MICU1: variants seen among roughly 807,000 people sequenced by gnomAD.
MICU1 encodes mitochondrial calcium uptake 1, also known as calcium uptake protein 1, mitochondrial.
A neutral mutation model predicts 56.8 loss-of-function variants in MICU1; 45 were observed. That is an observed-to-expected ratio of 0.79 (90% confidence interval 0.62 to 1.02). MICU1 has a LOEUF of 1.02. Ranked by LOEUF, MICU1 falls within the 50% of genes least tolerant of loss-of-function variation. The pLI is 0.00. For synonymous variants in MICU1, 186 were observed against 195.1 expected (o/e 0.95, Z 0.39); for missense variants, 504 against 587.1 (o/e 0.86, Z 1.46).
At chr10:72,458,597 G>C (rs889967040) in intron 8 of MICU1, among the ~76,000 whole-genome samples, 2 of 152,068 alleles carry the variant, frequency 1.3e-5, no homozygotes, top group Non-Finnish European at 2.9e-5. Context: ...GCTGCAAACA[G>C]TATTAAGACT....
chr10:72,463,602 A>G (rs1472778373), intron 8 of MICU1, among the ~76,000 whole-genome samples: 1 of 152,240 alleles, frequency 6.6e-6, no homozygotes, highest in Admixed American at 6.5e-5. Flanking sequence ...TACCATATAC[A>G]GTCATGTGCT....
In MICU1 at chr10:72,368,029, C is replaced by T; in HGVS notation, c.*166G>A. ...TGGGCAGAATCAGAGCCCAGCAGAA[C>T]ACGGGGACGGGGAAGGGTAAAGAGG... is the stretch of plus-strand genomic sequence containing the variant. On this transcript the variant is annotated 3_prime_UTR_variant, in exon 12 of 12. Transcript: ENST00000361114. 1 of 655,910 alleles carries T rather than the reference C, an allele frequency of 1.5e-6. No individual in the cohort carries two copies. Among genetic ancestry groups the T allele is most frequent in the Non-Finnish European group, 2.5e-6 (1 of 393,912 alleles). 40.6% of individuals were successfully genotyped at this position (655,910 alleles called of 1,614,324 possible).
At chr10:72,524,192 C>G (rs1867903337) in intron 5 of MICU1, among the ~76,000 whole-genome samples, 1 of 152,112 alleles carries the variant, frequency 6.6e-6, no homozygotes, top group Admixed American at 6.6e-5. Context: ...ACAATCTTAG[C>G]TCACTACAAC....
chr10:72,504,962 CATTATT>C (rs147881283), intron 6 of MICU1, among the ~76,000 whole-genome samples: 6 of 149,936 alleles, frequency 4.0e-5, no homozygotes, highest in Non-Finnish European at 5.9e-5. Context: ...CTATTATTAT[CATTATT>C]ATTATTATTA....
chr10:72,495,391 C>CA (rs1377996391), intron 6 of MICU1, among the ~76,000 whole-genome samples: 1 of 152,248 alleles, frequency 6.6e-6, no homozygotes, highest in East Asian at 1.9e-4. Flanking sequence ...TGCAGTGGCT[C>CA]ACGCCTGTAA....
At chr10:72,506,822 A>G (rs1359107766) in intron 6 of MICU1, among the ~76,000 whole-genome samples, 1 of 152,212 alleles carries the variant, frequency 6.6e-6, no homozygotes, top group Admixed American at 6.5e-5. Flanking sequence ...TTAAAAGTAC[A>G]TTATGATCTT....
intron 1 of MICU1, among the ~76,000 whole-genome samples, chr10:72,618,846 G>A (rs550203947): frequency 3.3e-5 from 5 of 152,276 alleles, no homozygotes; most frequent in African/African-American, 1.2e-4. Flanking sequence ...AAAAAACTAA[G>A]AGAAACTGAA....
intron 10 of MICU1, among the ~76,000 whole-genome samples, chr10:72,391,416 G>A (rs1026926408): frequency 5.3e-5 from 8 of 151,494 alleles, no homozygotes; most frequent in African/African-American, 1.5e-4. Context: ...CAGCCTGGTC[G>A]ACAGAGCAAA....
intron 1 of MICU1, among the ~76,000 whole-genome samples, chr10:72,591,129 C>A (rs1423934394): frequency 6.6e-6 from 1 of 152,082 alleles, no homozygotes; most frequent in East Asian, 1.9e-4. Flanking sequence ...TAACAATACA[C>A]TCTTAACCAA....
intron 6 of MICU1, among the ~76,000 whole-genome samples, chr10:72,487,804 T>C (rs1464479956): frequency 6.6e-6 from 1 of 152,212 alleles, no homozygotes; most frequent in Non-Finnish European, 1.5e-5. Context: ...GGGAAGTCAT[T>C]AGACGTCCAC....
At chr10:72,556,291 T>C (rs1484351086) in intron 3 of MICU1, among the ~76,000 whole-genome samples, 1 of 152,208 alleles carries the variant, frequency 6.6e-6, no homozygotes, top group Non-Finnish European at 1.5e-5. Flanking sequence ...ATAAAGTAAA[T>C]TAATTTTTGG....
At chr10:72,592,334 A>C (rs6480633) in intron 1 of MICU1, among the ~76,000 whole-genome samples, 1 of 151,668 alleles carries the variant, frequency 6.6e-6, no homozygotes, top group Admixed American at 6.6e-5. Flanking sequence ...GGAAAAAAAA[A>C]AGAATTCTCC....
At chr10:72,419,804 G>A (rs1864095791) in intron 9 of MICU1, among the ~76,000 whole-genome samples, 1 of 152,130 alleles carries the variant, frequency 6.6e-6, no homozygotes, top group South Asian at 2.1e-4. Flanking sequence ...TTAGTCTCAA[G>A]TTTTCCATCT....
At chr10:72,549,734 C>T (rs1839986050) in intron 4 of MICU1, among the ~76,000 whole-genome samples, 1 of 151,952 alleles carries the variant, frequency 6.6e-6, no homozygotes, top group Non-Finnish European at 1.5e-5. Flanking sequence ...GGTGTGAGAT[C>T]AGCCTGGCCA....
chr10:72,408,487 T>G (rs1863703164), intron 9 of MICU1, among the ~76,000 whole-genome samples: 1 of 152,168 alleles, frequency 6.6e-6, no homozygotes, highest in African/African-American at 2.4e-5. Context: ...TTTTGTATTT[T>G]TAGTAGAAAC....
chr10:72,381,501 C>T lies in MICU1; in HGVS notation c.1181-5629G>A, dbSNP rs549380139. 2.6e-5 allele frequency among the ~76,000 whole-genome samples: 4 copies of T among 152,198 alleles called. No individual in the cohort carries two copies. In the South Asian group the frequency reaches 6.2e-4, roughly 24 times the overall value. On this transcript the variant is annotated intron_variant, in intron 10 of 11. Transcript: ENST00000361114. Reference sequence around the variant, plus strand: ...AGTTCTGGGGTGAGGGGAGGGGAAACGACAACATTTAGGAGAACTAGCAAT... The same window carrying T: ...AGTTCTGGGGTGAGGGGAGGGGAAATGACAACATTTAGGAGAACTAGCAAT...
chr10:72,415,197 G>C (rs1212055101), intron 9 of MICU1, among the ~76,000 whole-genome samples: 1 of 151,850 alleles, frequency 6.6e-6, no homozygotes, highest in Non-Finnish European at 1.5e-5. Flanking sequence ...TTGTATTTTT[G>C]TAGAGATGTG....
Position 72,385,905 on chromosome 10 carries a change from G to A in MICU1, c.1181-10033C>T, listed in dbSNP as rs1862871960. On this transcript the variant is annotated intron_variant, in intron 10 of 11. Coordinates refer to ENST00000361114, the MANE Select transcript of MICU1 (RefSeq NM_001195518.2). ...TGAGTTGCCATGCTGTGAGGGGCCT[G>A]GTGGCAAGGAGCTGTAGTCACCTGC... Among the ~76,000 whole-genome samples the A allele has an allele frequency of 2.0e-5, 3 of 152,358 alleles. 1 individual carries two copies. In the South Asian group the frequency reaches 6.2e-4, roughly 32 times the overall value.
At chr10:72,480,918 T>G (rs906190013) in intron 6 of MICU1, among the ~76,000 whole-genome samples, 1 of 152,268 alleles carries the variant, frequency 6.6e-6, no homozygotes, top group Admixed American at 6.5e-5. Context: ...AAGTATACCC[T>G]GTAATGCTTG....
Sources: gnomAD v4.1 joint callset for allele counts (sites outside exome capture counted in the v4.1 genomes callset) on GRCh38, gnomAD v4.1.1 for gene constraint, MANE v1.5 for transcripts, NCBI Gene and HGNC (gene_info 2026-07-23, HGNC 2026-07-21) for gene names.